Variants in MRPL1 observed in about 807,000 individuals in gnomAD.
The protein encoded by MRPL1 is large ribosomal subunit protein uL1m.
In MRPL1, 28 loss-of-function variants were observed where a neutral mutation model predicts 38.0. The ratio of observed to expected loss-of-function variants is 0.74; its 90% CI spans 0.55 to 1.01. MRPL1 has a LOEUF of 1.01. MRPL1 is among the 50% of genes least tolerant of loss of function. MRPL1 has a pLI of 0.00. For synonymous variants in MRPL1, 123 were observed against 126.7 expected (o/e 0.97, Z 0.20); for missense variants, 358 against 389.8 (o/e 0.92, Z 0.69).
intron 8 of MRPL1, among the ~76,000 whole-genome samples, chr4:77,951,055 C>T (rs182065761): frequency 3.3e-5 from 5 of 151,998 alleles, no homozygotes; most frequent in East Asian, 3.9e-4. Context: ...TTTTTAGTAG[C>T]GGTGGGGTTT....
chr4:77,898,545 G>T (rs185797308), intron 6 of MRPL1, among the ~76,000 whole-genome samples: 1 of 151,582 alleles, frequency 6.6e-6, no homozygotes, highest in Non-Finnish European at 1.5e-5. Context: ...AGGCTGGAGC[G>T]CAGTGGCACA....
intron 5 of MRPL1, among the ~76,000 whole-genome samples, chr4:77,890,618 T>G (rs1424577457): frequency 1.3e-5 from 2 of 152,346 alleles, no homozygotes; most frequent in East Asian, 3.9e-4. Context: ...AACATAGTGT[T>G]GGAAGTTCTG....
At chr4:77,947,680 G>A (rs923847628) in intron 7 of MRPL1, among the ~76,000 whole-genome samples, 13 of 152,066 alleles carry the variant, frequency 8.5e-5, no homozygotes, top group East Asian at 1.9e-4. Flanking sequence ...AATGAATTTC[G>A]TTTGCAAGTT....
chr4:77,950,820 A>G (rs747811337), intron 8 of MRPL1, among the ~76,000 whole-genome samples: 62 of 152,106 alleles, frequency 4.1e-4, no homozygotes, highest in Non-Finnish European at 6.6e-4. Context: ...TCTTTTTGCT[A>G]TTTCATATGA....
intron 7 of MRPL1, among the ~76,000 whole-genome samples, chr4:77,910,090 A>T (rs1030578978): frequency 1.3e-5 from 2 of 152,180 alleles, no homozygotes; most frequent in Non-Finnish European, 2.9e-5. Context: ...TATTCTAAAC[A>T]ATTTTTGTAT....
At position 77,863,461 on chromosome 4, in the gene MRPL1, A is replaced by ATTTT. The variant is rs969402527; in HGVS notation, c.31+600_31+603dup. ...GATGACAGCCCTTTCTTGTGCAACA[A>ATTTT]TTTTTTTTTTTTTTTTTTTTTGAGA... On this transcript the variant is annotated intron_variant, in intron 1 of 8. Coordinates refer to ENST00000315567, the MANE Select transcript of MRPL1 (RefSeq NM_020236.4). Among the ~76,000 whole-genome samples the ATTTT allele has an allele frequency of 9.6e-4, 108 of 112,650 alleles. 5 individuals are homozygous for ATTTT. The highest frequency in any genetic ancestry group is 3.3e-3 in the African/African-American group (87 of 26,126). 73.9% of individuals were successfully genotyped at this position (112,650 alleles called of 152,430 possible).
intron 7 of MRPL1, among the ~76,000 whole-genome samples, chr4:77,937,210 T>C (rs1737006355): frequency 6.6e-6 from 1 of 152,114 alleles, no homozygotes; most frequent in Admixed American, 6.5e-5. Context: ...CCGGTACTAC[T>C]TCCCTTCTGC....
intron 7 of MRPL1, among the ~76,000 whole-genome samples, chr4:77,918,843 T>C (rs1736488912): frequency 6.6e-6 from 1 of 152,184 alleles, no homozygotes; most frequent in African/African-American, 2.4e-5. Context: ...TGGATGAATA[T>C]ATATATATGT....
At chr4:77,877,105 G>T (rs1291668075) in intron 2 of MRPL1, among the ~76,000 whole-genome samples, 1 of 152,120 alleles carries the variant, frequency 6.6e-6, no homozygotes. Context: ...TCACCCTGTT[G>T]GCCAGTCTGG....
chr4:77,930,601 AG>A (rs901696558), intron 7 of MRPL1, among the ~76,000 whole-genome samples: 3 of 152,186 alleles, frequency 2.0e-5, no homozygotes, highest in Non-Finnish European at 4.4e-5. Flanking sequence ...GACTACACAG[AG>A]GCCATAATAA....
intron 6 of MRPL1, chr4:77,907,034 A>G (rs1736174277): frequency 1.0e-6 from 1 of 985,266 alleles, no homozygotes; most frequent in Non-Finnish European, 1.2e-6. Context: ...TCCTAGGAAT[A>G]ATGTATGCTG....
chr4:77,909,185 A>G, intron 6 of MRPL1, 81 bp from the exon 7 acceptor site: 4 of 854,452 alleles, frequency 4.7e-6, no homozygotes, highest in Non-Finnish European at 7.8e-6. Context: ...ATATCTTTAC[A>G]TGAGATATGT....
intron 3 of MRPL1, 66 bp downstream of exon 3, chr4:77,883,566 T>G (rs1735600229): frequency 2.2e-6 from 3 of 1,391,252 alleles, no homozygotes; most frequent in Non-Finnish European, 2.9e-6. Flanking sequence ...TGTTTCTTTA[T>G]TTTATTTTAT....
chr4:77,888,862 G>A (rs540417219), intron 5 of MRPL1, among the ~76,000 whole-genome samples: 6 of 151,930 alleles, frequency 3.9e-5, no homozygotes, highest in South Asian at 2.1e-4. Context: ...TCCCTCCCCC[G>A]TCCCCTACTC....
chr4:77,883,579 T>C, intron 3 of MRPL1, 79 bp downstream of exon 3: 1 of 1,357,498 alleles, frequency 7.4e-7, no homozygotes, highest in Non-Finnish European at 9.9e-7. Flanking sequence ...TATTTTATTG[T>C]TATTATTATT....
chr4:77,901,836 A>G (rs1736041662), intron 6 of MRPL1, among the ~76,000 whole-genome samples: 1 of 152,222 alleles, frequency 6.6e-6, no homozygotes, highest in South Asian at 2.1e-4. Flanking sequence ...TATTTGAACA[A>G]CACTCTTAGT....
intron 7 of MRPL1, among the ~76,000 whole-genome samples, chr4:77,916,582 A>G (rs1472545248): frequency 1.3e-5 from 2 of 152,162 alleles, no homozygotes; most frequent in East Asian, 3.9e-4. Context: ...ACTATTCTGT[A>G]GCTTTCTTTT....
intron 8 of MRPL1, among the ~76,000 whole-genome samples, chr4:77,951,288 T>C (rs1006605364): frequency 6.6e-6 from 1 of 152,268 alleles, no homozygotes; most frequent in African/African-American, 2.4e-5. Flanking sequence ...CTGACTGTTT[T>C]AAATAAATAT....
chr4:77,928,517 G>A (rs1376303219), intron 7 of MRPL1, among the ~76,000 whole-genome samples: 2 of 151,738 alleles, frequency 1.3e-5, no homozygotes, highest in Non-Finnish European at 2.9e-5. Context: ...ATTATTTTTG[G>A]TGTACTATAG....
Sources: gnomAD v4.1 joint callset for allele counts (sites outside exome capture counted in the v4.1 genomes callset) on GRCh38, gnomAD v4.1.1 for gene constraint, MANE v1.5 for transcripts, NCBI Gene and HGNC (gene_info 2026-07-23, HGNC 2026-07-21) for gene names.